Variants in BICDL2 observed in about 807,000 individuals in gnomAD.
BICDL2 encodes the protein BICD family-like cargo adapter 2.
BICDL2 carries 62 observed loss-of-function variants against 56.6 expected under a neutral mutation model. The ratio of observed to expected loss-of-function variants is 1.10; its 90% confidence interval spans 0.89 to 1.35. BICDL2 has a LOEUF of 1.35. BICDL2 is among the 40% of genes most tolerant of loss of function. The probability of loss-of-function intolerance (pLI) is 0.00; values close to 1 mark genes in which losing one functional copy is unlikely to be tolerated. For synonymous variants in BICDL2, 358 were observed against 319.8 expected, an observed-to-expected ratio of 1.12 and a Z score of -1.27; for missense variants, 808 against 684.5, an observed-to-expected ratio of 1.18 and a Z score of -2.01.
chr16:3,034,873 C>T, intron 2 of BICDL2: 1 of 255,472 alleles, frequency 3.9e-6, no homozygotes, highest in South Asian at 8.1e-5. Context: ...CCACCACATC[C>T]AGCTAATTTT....
At chr16:3,030,263 C>G (rs950234778) in intron 5 of BICDL2, 186 bp downstream of exon 5, 1 of 739,184 alleles carries the variant, frequency 1.4e-6, no homozygotes, top group Middle Eastern at 3.9e-4. Flanking sequence ...CTGATGCACT[C>G]TAAGAGCATG....
At position 3,027,932 on chromosome 16, in the gene BICDL2, A is replaced by T. The variant is rs2072844507; in HGVS notation, c.*174T>A. The T allele has an allele frequency of 9.5e-7, 1 of 1,049,286 alleles. No homozygotes were observed. Among genetic ancestry groups the T allele is most frequent in the Non-Finnish European group, 1.3e-6 (1 of 768,876 alleles). 65.0% of individuals were successfully genotyped at this position (1,049,286 alleles called of 1,614,324 possible). A position where few individuals can be genotyped will look rare whatever the true frequency, so the allele number is the denominator to read the frequency against. On this transcript the variant is annotated 3_prime_UTR_variant, in exon 10 of 10. Coordinates refer to ENST00000572449, the MANE Select transcript of BICDL2 (RefSeq NM_001369667.1). ...CACCCACCTGGAGCTCCTGCCCCACAAAGCTGGCCCCTGCTCCGGATGAGC... is the reference window on the plus strand; with the variant it reads ...CACCCACCTGGAGCTCCTGCCCCACTAAGCTGGCCCCTGCTCCGGATGAGC...
chr16:3,031,488 C>T, intron 2 of BICDL2: 1 of 519,190 alleles, frequency 1.9e-6, no homozygotes, highest in Non-Finnish European at 3.4e-6. Flanking sequence ...AGTTCAAGCC[C>T]CGGCCCATGG....
At chr16:3,035,599 C>G in intron 1 of BICDL2, 73 bp from the exon 2 acceptor site, 1 of 1,343,104 alleles carries the variant, frequency 7.4e-7, no homozygotes, top group African/African-American at 1.5e-5. Flanking sequence ...CAGGAATTCT[C>G]CACCTGCTGC....
chr16:3,029,428 G>T lies in BICDL2; in HGVS notation c.959C>A (p.Thr320Asn), dbSNP rs762295998. The T allele has an allele frequency of 2.4e-5, 38 of 1,602,380 alleles. 1 individual carries two copies. In the East Asian group the frequency reaches 8.5e-4, roughly 36 times the overall value. Reference sequence around the variant, plus strand: ...CTTTCGGGTCTTTGGGGACCGGGTGGTCTGTGGGCCAAAGAAATGGGTTAG... The same window carrying T: ...CTTTCGGGTCTTTGGGGACCGGGTGTTCTGTGGGCCAAAGAAATGGGTTAG... ...QGADAPGDTP[T>N]TRSPKTRKAS... Residue 320 changes from threonine (T) to asparagine (N), a missense_variant and splice_region_variant, in exon 7 of 10, where the codon ACC (threonine) becomes AAC (asparagine). Coordinates refer to ENST00000572449, the MANE Select transcript of BICDL2 (RefSeq NM_001369667.1).
At chr16:3,029,951 T>C (rs756539879) in intron 5 of BICDL2, 17 of 538,440 alleles carry the variant, frequency 3.2e-5, no homozygotes, top group Non-Finnish European at 4.5e-5. Flanking sequence ...GGGCCGCACC[T>C]CGAAGAGCCC....
intron 2 of BICDL2, among the ~76,000 whole-genome samples, chr16:3,034,679 TCCTTCCTTCCTTCC>T (rs1955703298): frequency 6.8e-6 from 1 of 146,780 alleles, no homozygotes; most frequent in Non-Finnish European, 1.5e-5. Context: ...CTTCCTTCCT[TCCTTCCTTCCTTCC>T]CCTTCCTTCC....
chr16:3,032,811 G>C (rs540933713), intron 2 of BICDL2: 16 of 152,332 alleles, frequency 1.1e-4, no homozygotes, highest in African/African-American at 3.8e-4. Context: ...GCCCTTCTTG[G>C]AGGAGGGGAG....
In BICDL2 at chr16:3,029,402, C is replaced by G. The variant is rs745893983; in HGVS notation, c.985G>C (p.Ala329Pro). 4 of 1,607,350 alleles carry G rather than the reference C, an allele frequency of 2.5e-6. No homozygotes were observed. The highest frequency in any genetic ancestry group is 3.4e-6 in the Non-Finnish European group (4 of 1,179,090). ...PTTRSPKTRK[A>P]SSPQPSPPEE... ...GGGGGTGAAGGCTGGGGGCTGGACG[C>G]CTTTCGGGTCTTTGGGGACCGGGTG... The change falls in exon 7 of 10, where the codon GCG becomes CCG. Residue 329 changes from alanine (A) to proline (P), a missense_variant. Physicochemically the swap from Ala to Pro is conservative, Grantham distance 27. Transcript: ENST00000572449.
rs1358215500 is a variant in BICDL2 at position 3,028,128 on chromosome 16, C to T, written c.1505G>A (p.Ser502Asn). 21 of 1,442,064 alleles carry T rather than the reference C, an allele frequency of 1.5e-5. No homozygotes were observed. The highest frequency in any genetic ancestry group is 1.6e-5 in the Non-Finnish European group (18 of 1,104,860). The allele number at this position is 1,442,064 out of a possible 1,614,324, so 89.3% of individuals were successfully genotyped here. Reference protein sequence around the residue: ...LGPGPAGGFLSNLFRRT With the variant: ...LGPGPAGGFLNNLFRRT ...CCGTCAGGTCCTTCGGAAGAGGTTA[C>T]TGAGAAAGCCACCGGCGGGCCCGGG... is the stretch of plus-strand genomic sequence containing the variant. The change falls in exon 10 of 10, where the codon AGT (serine) becomes AAT (asparagine). Residue 502 changes from serine to asparagine, a missense_variant. Transcript: ENST00000572449.
intron 2 of BICDL2, 70 bp from the exon 3 acceptor site, chr16:3,031,220 G>T: frequency 7.4e-7 from 1 of 1,346,218 alleles, no homozygotes; most frequent in Non-Finnish European, 1.0e-6. Context: ...CAGAGAGATG[G>T]CGATGGAGGG....
At chr16:3,031,583 C>T (rs1955656360) in intron 2 of BICDL2, 1 of 413,598 alleles carries the variant, frequency 2.4e-6, no homozygotes, top group South Asian at 9.5e-5. Context: ...CCAGTTCCCT[C>T]TAATTAACCC....
At chr16:3,030,090 G>A in intron 5 of BICDL2, 2 of 457,602 alleles carry the variant, frequency 4.4e-6, no homozygotes, top group Non-Finnish European at 7.7e-6. Flanking sequence ...AGGAAGGCAA[G>A]CTGACCCCAA....
chr16:3,029,637 C>A lies in BICDL2; in HGVS notation c.865G>T (p.Asp289Tyr), dbSNP rs763688060. 8 of 1,535,426 alleles carry A rather than the reference C, an allele frequency of 5.2e-6. No individual in the cohort carries two copies. Among genetic ancestry groups the A allele is most frequent in the Non-Finnish European group, 6.1e-6 (7 of 1,145,372 alleles). ...LEEESRLQDA[D>Y]VSAASLQSEL... is the part of the protein sequence containing the mutation. Reference sequence around the variant, plus strand: ...GACTGCAACGAGGCAGCCGACACGTCGGCGTCCTGGAGGCGTGACTCCTCC... The same window carrying A: ...GACTGCAACGAGGCAGCCGACACGTAGGCGTCCTGGAGGCGTGACTCCTCC... The change falls in exon 6 of 10, where the codon GAC becomes TAC. Residue 289 changes from aspartate to tyrosine, a missense_variant. Coordinates refer to ENST00000572449, the MANE Select transcript of BICDL2 (RefSeq NM_001369667.1).
chr16:3,036,809 TC>T, intron 1 of BICDL2, 84 bp downstream of exon 1: 1 of 329,600 alleles, frequency 3.0e-6, no homozygotes, highest in African/African-American at 2.3e-5. Context: ...CCGCCCCGGC[TC>T]CCCCACCTTC....
rs1955572546 is a variant in BICDL2 at position 3,028,066 on chromosome 16, A to G, written c.*40T>C. The G allele has an allele frequency of 2.9e-6, 4 of 1,394,880 alleles. No individual in the cohort carries two copies. In the South Asian group the frequency reaches 5.0e-5, roughly 17 times the overall value. The allele number at this position is 1,394,880 out of a possible 1,614,324, so 86.4% of individuals were successfully genotyped here. ...CTCCATTGGCCTGAAGAGGAAAGTG[A>G]GCCCCTAAGTGGGCAAGGGCAGCCC... is the stretch of plus-strand genomic sequence containing the variant. On this transcript the variant is annotated 3_prime_UTR_variant, in exon 10 of 10. Coordinates refer to ENST00000572449, the MANE Select transcript of BICDL2 (RefSeq NM_001369667.1).
In BICDL2 at chr16:3,035,321, T is replaced by C. The variant is rs756399759; in HGVS notation, c.176A>G (p.Lys59Arg). ...GAGCTCCGCGGCCAACAGCAGGTCT[T>C]TCTCCTTCTGCTGCAGCTGCAAGGC... ...DLALQLQQKE[K>R]DLLLAAELGK... is the part of the protein sequence containing the mutation. The change falls in exon 2 of 10, where the codon AAA (lysine) becomes AGA (arginine). Residue 59 changes from lysine to arginine, a missense_variant. Lys to Arg is a conservative substitution (Grantham distance 26). Coordinates refer to ENST00000572449, the MANE Select transcript of BICDL2 (RefSeq NM_001369667.1). 52 of 1,583,300 alleles carry C rather than the reference T, an allele frequency of 3.3e-5. 1 individual carries two copies. The highest frequency in any genetic ancestry group is 4.5e-5 in the Non-Finnish European group (52 of 1,165,202).
intron 2 of BICDL2, 39 bp downstream of exon 2, chr16:3,035,176 T>TTGCCCCGGGGG: frequency 7.3e-6 from 1 of 136,274 alleles, no homozygotes; most frequent in Non-Finnish European, 1.4e-5. Context: ...CGTCCTCCCC[T>TTGCCCCGGGGG]GCCCACCCAC....
chr16:3,031,014 T>C lies in BICDL2; in HGVS notation c.419A>G (p.Gln140Arg), dbSNP rs1356078279. Reference sequence around the variant, plus strand: ...CCGTGCCCGTTCTCGCCCACTGTCCTGCTGCTCTGAGCGCTGCTCCCCAAG... The same window carrying C: ...CCGTGCCCGTTCTCGCCCACTGTCCCGCTGCTCTGAGCGCTGCTCCCCAAG... ...AQLGEQRSEQ[Q>R]DSGRERARAL... is the part of the protein sequence containing the mutation. Residue 140 changes from glutamine to arginine, a missense_variant, in exon 3 of 10, where the codon CAG (glutamine) becomes CGG (arginine). Physicochemically the swap from Gln to Arg is conservative, Grantham distance 43 (BLOSUM62 1). Transcript: ENST00000572449. The C allele has an allele frequency of 1.9e-6, 3 of 1,551,986 alleles. No individual in the cohort carries two copies. In the Admixed American group the frequency reaches 5.7e-5, roughly 30 times the overall value.
Sources: gnomAD v4.1 joint callset for allele counts (sites outside exome capture counted in the v4.1 genomes callset) on GRCh38, gnomAD v4.1.1 for gene constraint, MANE v1.5 for transcripts, NCBI Gene and HGNC (gene_info 2026-07-23, HGNC 2026-07-21) for gene names.